Variants in HBZ observed in about 807,000 individuals in gnomAD.
HBZ encodes hemoglobin zeta chain.
In HBZ, 2 loss-of-function variants were observed where a neutral mutation model predicts 5.8. That is an observed-to-expected ratio of 0.34 (90% confidence interval 0.14 to 1.09). HBZ has a LOEUF of 1.09. Among genes scored for constraint, HBZ ranks in the 50% least tolerant of loss-of-function variants. The pLI, the probability that HBZ is intolerant of heterozygous loss-of-function variation, is 0.42. For missense variants in HBZ, 47 were observed against 97.8 expected (o/e 0.48, Z 2.19); for synonymous variants, 39 against 47.4 (o/e 0.82, Z 0.73).
chr16:153,037 G>C, intron 1 of HBZ, 33 bp downstream of exon 1: 2 of 1,496,562 alleles, frequency 1.3e-6, no homozygotes, highest in Non-Finnish European at 1.8e-6. Flanking sequence ...AGAGGGACTG[G>C]GTGGGAGGCC....
At position 152,846 on chromosome 16, in the gene HBZ, C is replaced by T. The variant is rs1340178600; in HGVS notation, c.-64C>T. 3.7e-6 allele frequency: 6 copies of T among 1,603,978 alleles called. No homozygotes were observed. The African/African-American group carries it at 4.0e-5, about 11-fold the overall frequency. On this transcript the variant is annotated 5_prime_UTR_variant, in exon 1 of 3. Coordinates refer to ENST00000252951, the MANE Select transcript of HBZ (RefSeq NM_005332.3). Reference sequence around the variant, plus strand: ...CCTGTATATAAGGGGACCCTGGGGGCTGAGCACTACCAAGGCCAGTCCTGA... The same window carrying T: ...CCTGTATATAAGGGGACCCTGGGGGTTGAGCACTACCAAGGCCAGTCCTGA...
chr16:153,475 AG>A (rs1487249785), intron 1 of HBZ, among the ~76,000 whole-genome samples: 4 of 97,886 alleles, frequency 4.1e-5, no homozygotes, highest in African/African-American at 1.4e-4. Context: ...ATCCCCTGGG[AG>A]GGGCCAGGGA....
chr16:152,699 C>A lies in HBZ; in HGVS notation c.-211C>A. 1.1e-6 allele frequency: 1 copy of A among 876,662 alleles called. No individual in the cohort carries two copies. The allele number at this position is 876,662 out of a possible 1,614,324, so 54.3% of individuals were successfully genotyped here. Reference sequence around the variant, plus strand: ...CAGGAGAGGAACAGGAGTGATAGCCCCCAAACCCCAGTCCCACCAGGCCCT... The same window carrying A: ...CAGGAGAGGAACAGGAGTGATAGCCACCAAACCCCAGTCCCACCAGGCCCT... On this transcript the variant is annotated 5_prime_UTR_variant, in exon 1 of 3. Coordinates refer to ENST00000252951, the MANE Select transcript of HBZ (RefSeq NM_005332.3).
At position 152,991 on chromosome 16, in the gene HBZ, G is replaced by A. The variant is rs369060903; in HGVS notation, c.82G>A (p.Glu28Lys). 3.3e-5 allele frequency: 53 copies of A among 1,606,800 alleles called. No homozygotes were observed. Among genetic ancestry groups the A allele is most frequent in the Non-Finnish European group, 4.1e-5 (48 of 1,176,484 alleles). Residue 28 changes from glutamate to lysine, a missense_variant, in exon 1 of 3, where the codon GAG (glutamate) becomes AAG (lysine). Around this residue, in one of 3 missense-constraint regions of HBZ, gnomAD observed 29 missense variants for 39.7 expected, o/e 0.73. Transcript: ENST00000252951. ...CACGCAGGCCGACACCATCGGCACC[G>A]AGACTCTGGAGAGGTGAGTGTCAGA... is the stretch of plus-strand genomic sequence containing the variant. ...ISTQADTIGT[E>K]TLERLFLSHP... is the part of the protein sequence containing the mutation.
intron 1 of HBZ, 36 bp downstream of exon 1, chr16:153,040 G>A (rs1376124436): frequency 2.0e-6 from 3 of 1,488,056 alleles, no homozygotes; most frequent in Non-Finnish European, 2.8e-6. Flanking sequence ...GGGACTGGGT[G>A]GGAGGCCAGG....
Position 152,738 on chromosome 16 carries a change from T to G in HBZ, c.-172T>G. On this transcript the variant is annotated 5_prime_UTR_variant, in exon 1 of 3. Coordinates refer to ENST00000252951, the MANE Select transcript of HBZ (RefSeq NM_005332.3). ...CCACCAGGCCCTGAGGGCCCCTTTGTCACTGGATCTGATAAGAAACACCAC... is the reference window on the plus strand; with the variant it reads ...CCACCAGGCCCTGAGGGCCCCTTTGGCACTGGATCTGATAAGAAACACCAC... The G allele has an allele frequency of 8.1e-7, 1 of 1,233,806 alleles. No homozygotes were observed. Among genetic ancestry groups the G allele is most frequent in the Non-Finnish European group, 1.1e-6 (1 of 912,386 alleles). The allele number at this position is 1,233,806 out of a possible 1,614,324, so 76.4% of individuals were successfully genotyped here.
chr16:153,193 G>A (rs1329759940), intron 1 of HBZ, among the ~76,000 whole-genome samples, 189 bp downstream of exon 1: 6 of 151,914 alleles, frequency 3.9e-5, no homozygotes, highest in African/African-American at 9.7e-5. Flanking sequence ...GGAGGGAACC[G>A]TGGAGAGGGG....
rs1296127079 is a variant in HBZ, at chr16:152,843, G to C, written c.-67G>C. 1 of 1,603,062 alleles carries C rather than the reference G, an allele frequency of 6.2e-7. No individual in the cohort carries two copies. The highest frequency in any genetic ancestry group is 1.3e-5 in the African/African-American group (1 of 74,794). ...CTCCCTGTATATAAGGGGACCCTGGGGGCTGAGCACTACCAAGGCCAGTCC... is the reference window on the plus strand; with the variant it reads ...CTCCCTGTATATAAGGGGACCCTGGCGGCTGAGCACTACCAAGGCCAGTCC... On this transcript the variant is annotated 5_prime_UTR_variant, in exon 1 of 3. Transcript: ENST00000252951.
intron 2 of HBZ, 51 bp downstream of exon 2, chr16:154,147 G>GGGCGCGGT (rs1901665911): frequency 2.5e-5 from 1 of 40,598 alleles, no homozygotes; most frequent in Non-Finnish European, 3.6e-5. Context: ...GCGCGGTGCG[G>GGGCGCGGT]GCGGGGCGGG....
At chr16:153,676 G>C (rs1377608704) in intron 1 of HBZ, among the ~76,000 whole-genome samples, 1 of 2,148 alleles carries the variant, frequency 4.7e-4, no homozygotes, top group Non-Finnish European at 1.2e-3. Flanking sequence ...GTCGGAAGCA[G>C]GGCGATCAGC....
chr16:153,438 G>A (rs954820724), intron 1 of HBZ, among the ~76,000 whole-genome samples: 14 of 121,100 alleles, frequency 1.2e-4, no homozygotes, highest in Non-Finnish European at 1.8e-4. Flanking sequence ...TCAGGGCACT[G>A]TCCCAGCTTC....
rs1317211537 is a variant in HBZ, at chr16:153,024, G to T, written c.95+20G>T. 17 of 1,512,436 alleles carry T rather than the reference G, an allele frequency of 1.1e-5. No individual in the cohort carries two copies. Among genetic ancestry groups the T allele is most frequent in the Non-Finnish European group, 1.3e-5 (15 of 1,112,246 alleles). 93.7% of individuals were successfully genotyped at this position (1,512,436 alleles called of 1,614,324 possible). A position where few individuals can be genotyped will look rare whatever the true frequency, so the allele number is the denominator to read the frequency against. On this transcript the variant is annotated intron_variant, in intron 1 of 2. Coordinates refer to ENST00000252951, the MANE Select transcript of HBZ (RefSeq NM_005332.3). Reference sequence around the variant, plus strand: ...GGAGAGGTGAGTGTCAGACGGGACTGCCAGAGGGACTGGGTGGGAGGCCAG... The same window carrying T: ...GGAGAGGTGAGTGTCAGACGGGACTTCCAGAGGGACTGGGTGGGAGGCCAG...
rs1261244621 is a variant in HBZ, at chr16:153,001, A to G, written c.92A>G (p.Glu31Gly). The G allele has an allele frequency of 2.0e-6, 3 of 1,503,826 alleles. No individual in the cohort carries two copies. The highest frequency in any genetic ancestry group is 2.8e-5 in the East Asian group (1 of 35,432). The allele number at this position is 1,503,826 out of a possible 1,614,324, so 93.2% of individuals were successfully genotyped here. Residue 31 changes from glutamate (E) to glycine (G), a missense_variant, in exon 1 of 3, where the codon GAG becomes GGG. By Grantham distance (98) the Glu-to-Gly change is moderately conservative (BLOSUM62 -2). Coordinates refer to ENST00000252951, the MANE Select transcript of HBZ (RefSeq NM_005332.3). ...GACACCATCGGCACCGAGACTCTGG[A>G]GAGGTGAGTGTCAGACGGGACTGCC... ...QADTIGTETLERLFLSHPQTK... is the reference protein window; with the variant it reads ...QADTIGTETLGRLFLSHPQTK...
At position 154,490 on chromosome 16, in the gene HBZ, A is replaced by C; in HGVS notation, c.*90A>C. ...CCACTTACCGCGTAATGCGCCAATA[A>C]ACCAATGAACGAAGCAGCGTCCACC... On this transcript the variant is annotated 3_prime_UTR_variant, in exon 3 of 3. Transcript: ENST00000252951. The C allele has an allele frequency of 6.9e-6, 6 of 867,206 alleles. No homozygotes were observed. Among genetic ancestry groups the C allele is most frequent in the East Asian group, 3.8e-5 (1 of 26,406 alleles). The allele number at this position is 867,206 out of a possible 1,614,324, so 53.7% of individuals were successfully genotyped here. A position where few individuals can be genotyped will look rare whatever the true frequency, so the allele number is the denominator to read the frequency against.
chr16:153,177 C>G (rs2858920), intron 1 of HBZ, among the ~76,000 whole-genome samples, 173 bp downstream of exon 1: 24,739 of 140,688 alleles, frequency 0.18, 308 homozygotes, highest in African/African-American at 0.26. Context: ...GGGGAGGGGA[C>G]AGTGAGGAGG....
intron 1 of HBZ, 127 bp downstream of exon 1, chr16:153,131 GGC>G: frequency 1.7e-6 from 1 of 573,558 alleles, no homozygotes; most frequent in Non-Finnish European, 2.9e-6. Flanking sequence ...CAGTGGGGAG[GGC>G]ACTGTGGGGA....
At chr16:153,107 CCATGGAG>C in intron 1 of HBZ, 103 bp downstream of exon 1, 1 of 755,500 alleles carries the variant, frequency 1.3e-6, no homozygotes, top group Non-Finnish European at 2.1e-6. Flanking sequence ...GGGGAGGGGA[CCATGGAG>C]AGGAGACAGT....
intron 1 of HBZ, 74 bp downstream of exon 1, chr16:153,078 G>GTGGGGAGGGGACCATGGAGAGGAGA (rs1901644433): frequency 6.8e-6 from 4 of 586,946 alleles, no homozygotes; most frequent in East Asian, 1.2e-4. Flanking sequence ...TGGGGAGGGG[G>GTGGGGAGGGGACCATGGAGAGGAGA]CGGTGGGGAG....
chr16:153,433 G>GCACTGTCC (rs1400392773), intron 1 of HBZ, among the ~76,000 whole-genome samples: 1 of 123,118 alleles, frequency 8.1e-6, no homozygotes, highest in Non-Finnish European at 1.8e-5. Flanking sequence ...TGGGATCAGG[G>GCACTGTCC]CACTGTCCCA....
Sources: gnomAD v4.1 joint callset for allele counts (sites outside exome capture counted in the v4.1 genomes callset) on GRCh38, gnomAD v4.1.1 for gene constraint, gnomAD v4.1.1 regional missense constraint, MANE v1.5 for transcripts, NCBI Gene and HGNC (gene_info 2026-07-23, HGNC 2026-07-21) for gene names.